The following LETMD1 variants were observed in gnomAD, a reference collection of about 807,000 sequenced individuals.
LETMD1 encodes the protein LETM1 domain containing 1, also known as LETM1 domain-containing protein 1.
LETMD1 carries 30 observed loss-of-function variants against 43.9 expected under a neutral mutation model. The ratio of observed to expected loss-of-function variants is 0.68; its 90% CI spans 0.51 to 0.93. The LOEUF (loss-of-function observed/expected upper bound fraction) is 0.93. Among genes scored for constraint, LETMD1 ranks in the 40% least tolerant of loss-of-function variants. LETMD1 has a pLI of 0.00. For synonymous variants in LETMD1, 176 were observed against 163.1 expected, an observed-to-expected ratio of 1.08 and a Z score of -0.60; for missense variants, 413 against 447.7, an observed-to-expected ratio of 0.92 and a Z score of 0.70.
At chr12:51,051,823 G>A (rs1309806777) in intron 2 of LETMD1, among the ~76,000 whole-genome samples, 2 of 152,336 alleles carry the variant, frequency 1.3e-5, no homozygotes, top group African/African-American at 4.8e-5. Context: ...TTAAAAAGGA[G>A]TGACCAGTGA....
downstream of LETMD1, chr12:51,061,704 TAC>T (rs1226562443): frequency 6.6e-6 from 1 of 152,190 alleles, no homozygotes; most frequent in African/African-American, 2.4e-5. Context: ...GCTTAATAAT[TAC>T]AGATTCATAT....
intron 4 of LETMD1, 159 bp from the exon 5 acceptor site, chr12:51,055,665 TAAAAAAAAAAA>T: frequency 2.0e-5 from 3 of 149,252 alleles, no homozygotes; most frequent in Non-Finnish European, 3.6e-5. Context: ...CCCTGTCTCT[TAAAAAAAAAAA>T]AAAAAAAAAA....
chr12:51,048,771 T>A, intron 1 of LETMD1: 1 of 588,226 alleles, frequency 1.7e-6, no homozygotes, highest in Non-Finnish European at 3.0e-6. Flanking sequence ...TCTTTCTGAC[T>A]TAGCCTGCAG....
At chr12:51,063,683 T>C, downstream of LETMD1, 3 of 1,279,150 alleles carry the variant, frequency 2.3e-6, no homozygotes, top group African/African-American at 1.5e-5. Context: ...TGTTTTGAAA[T>C]GGTGTTAGAT....
At chr12:51,057,775 G>C in intron 7 of LETMD1, 1 of 428,930 alleles carries the variant, frequency 2.3e-6, no homozygotes, top group Non-Finnish European at 4.4e-6. Context: ...GCAGGTGCAT[G>C]CCACCACGCC....
intron 4 of LETMD1, among the ~76,000 whole-genome samples, chr12:51,054,387 TTC>T (rs1445313845): frequency 6.6e-6 from 1 of 152,216 alleles, no homozygotes; most frequent in African/African-American, 2.4e-5. Flanking sequence ...GGCAGTTGAT[TTC>T]TCTCTTCCAT....
intron 1 of LETMD1, 88 bp from the exon 2 acceptor site, chr12:51,048,946 C>G (rs1051637956): frequency 7.9e-7 from 1 of 1,271,968 alleles, no homozygotes; most frequent in African/African-American, 1.5e-5. Context: ...GATACAATCT[C>G]CGAGACTCCT....
Position 51,058,674 on chromosome 12 carries a change from G to T in LETMD1, c.1012+546G>T, listed in dbSNP as rs146275826. 551 of 158,658 alleles carry T rather than the reference G, an allele frequency of 3.5e-3. 2 individuals are homozygous for T. The highest frequency in any genetic ancestry group is 6.2e-3 in the Non-Finnish European group (449 of 72,178). The allele number at this position is 158,658 out of a possible 1,614,324, so 9.8% of individuals were successfully genotyped here. A position where few individuals can be genotyped will look rare whatever the true frequency, so the allele number is the denominator to read the frequency against. Reference sequence around the variant, plus strand: ...CGACCTCAGGTGATCCGCTGGCCTCGGCCTCCCAAAGTTTTGGGATCACTG... The same window carrying T: ...CGACCTCAGGTGATCCGCTGGCCTCTGCCTCCCAAAGTTTTGGGATCACTG... On this transcript the variant is annotated intron_variant, in intron 8 of 8. Transcript: ENST00000262055.
the LETMD1 span, chr12:51,067,629 T>G: frequency 6.3e-7 from 1 of 1,581,496 alleles, no homozygotes; most frequent in Non-Finnish European, 8.6e-7. This position sits in a 1 kb window ranked among gnomAD's most constrained non-coding sequence, Gnocchi z 4.1. Context: ...CTCACCCCGC[T>G]GACCCTGGTG....
intron 3 of LETMD1, 102 bp downstream of exon 3, chr12:51,052,309 G>A: frequency 1.4e-6 from 2 of 1,400,734 alleles, no homozygotes. Flanking sequence ...CATTGATCAA[G>A]CTTTTGCCCT....
At chr12:51,067,910 C>T in the LETMD1 span, 11 of 1,614,078 alleles carry the variant, frequency 6.8e-6, no homozygotes, top group African/African-American at 1.3e-5. This position sits in a 1 kb window ranked among gnomAD's most constrained non-coding sequence, Gnocchi z 4.1. Context: ...CTTCATCTGA[C>T]ACATCATCCA....
At chr12:51,064,458 C>T (rs1398871425), downstream of LETMD1, 1 of 1,609,416 alleles carries the variant, frequency 6.2e-7, no homozygotes. Context: ...GGTCTCAGAG[C>T]CCTGTGCTCC....
chr12:51,061,256 G>A (rs1348452964), downstream of LETMD1: 1 of 152,390 alleles, frequency 6.6e-6, no homozygotes, highest in East Asian at 1.9e-4. Context: ...TTTAAATACA[G>A]CATTATCACA....
chr12:51,066,279 G>A, the LETMD1 span, among the ~76,000 whole-genome samples: 6 of 151,814 alleles, frequency 4.0e-5, no homozygotes, highest in Middle Eastern at 3.4e-3. Flanking sequence ...ATGGTGAAAC[G>A]CCGTCTCTAC....
chr12:51,053,823 A>T lies in LETMD1; in HGVS notation c.436A>T (p.Ile146Phe). ...TKCLFLGIIS[I>F]PPFANYLVFL... The stretch of plus-strand genomic sequence containing the variant: ...GTGTCTTTTCCTAGGTATTATTTCC[A>T]TTCCACCTTTTGCCAACTACCTGGT... Residue 146 changes from isoleucine (I) to phenylalanine (F), a missense_variant, in exon 4 of 9, where the codon ATT becomes TTT. Coordinates refer to ENST00000262055, the MANE Select transcript of LETMD1 (RefSeq NM_015416.5). The T allele has an allele frequency of 2.5e-6, 4 of 1,613,746 alleles. No individual in the cohort carries two copies. Among genetic ancestry groups the T allele is most frequent in the Non-Finnish European group, 3.4e-6 (4 of 1,179,808 alleles).
chr12:51,048,995 G>T (rs755890678), intron 1 of LETMD1, 39 bp from the exon 2 acceptor site: 8 of 1,596,948 alleles, frequency 5.0e-6, no homozygotes, highest in Non-Finnish European at 6.8e-6. Flanking sequence ...GGAGCTTCTA[G>T]GACTGATTCC....
intron 7 of LETMD1, 91 bp from the exon 8 acceptor site, chr12:51,057,941 A>G (rs1221958032): frequency 1.6e-5 from 15 of 954,224 alleles, no homozygotes; most frequent in Non-Finnish European, 2.6e-5. Flanking sequence ...TAACTTATTT[A>G]AAGGAGATTT....
chr12:51,053,935 G>A, intron 4 of LETMD1, 75 bp downstream of exon 4: 2 of 940,920 alleles, frequency 2.1e-6, no homozygotes, highest in Non-Finnish European at 3.3e-6. Flanking sequence ...ACTTTAAACA[G>A]CACTCATTTC....
rs1216619859 is a variant in LETMD1 at position 51,056,227 on chromosome 12, A to C, written c.744A>C (p.Gln248His). ...CFSNHPLGMN[Q>H]LQALHVKALS... The stretch of plus-strand genomic sequence containing the variant: ...CTAACCATCCTCTGGGCATGAACCA[A>C]CTCCAGGCTTTGCACGTGGTGAGCA... The change falls in exon 6 of 9, where the codon CAA becomes CAC. Residue 248 changes from glutamine (Q) to histidine (H), a missense_variant. Transcript: ENST00000262055. 6.2e-7 allele frequency: 1 copy of C among 1,613,996 alleles called. No individual in the cohort carries two copies. The highest frequency in any genetic ancestry group is 1.3e-5 in the African/African-American group (1 of 74,890).
Sources: gnomAD v4.1 joint callset for allele counts (sites outside exome capture counted in the v4.1 genomes callset) on GRCh38, gnomAD v4.1.1 for gene constraint, Gnocchi (gnomAD v3.1) non-coding constraint, MANE v1.5 for transcripts, NCBI Gene and HGNC (gene_info 2026-07-23, HGNC 2026-07-21) for gene names.